MAPRE1: variants seen among roughly 807,000 people sequenced by gnomAD.
MAPRE1 encodes the protein microtubule-associated protein RP/EB family member 1.
In MAPRE1, 5 loss-of-function variants were observed where a neutral mutation model predicts 32.1. The observed-to-expected ratio is 0.16, with a 90% CI of 0.08 to 0.33. The LOEUF (loss-of-function observed/expected upper bound fraction) is 0.33. Among genes scored for constraint, MAPRE1 ranks in the 10% least tolerant of loss-of-function variants. The pLI, the probability that MAPRE1 is intolerant of heterozygous loss-of-function variation, is 1.00. For missense variants in MAPRE1, 209 were observed against 327.2 expected (o/e 0.64, Z 2.79); for synonymous variants, 122 against 118.9 (o/e 1.03, Z -0.17).
chr20:32,838,141 C>T (rs1180076380), intron 4 of MAPRE1, among the ~76,000 whole-genome samples: 1 of 152,032 alleles, frequency 6.6e-6, no homozygotes, highest in African/African-American at 2.4e-5. Context: ...TCCCACTTTC[C>T]CCAGCTTTAC....
At chr20:32,833,362 A>G (rs1370983430) in intron 2 of MAPRE1, among the ~76,000 whole-genome samples, 1 of 152,170 alleles carries the variant, frequency 6.6e-6, no homozygotes, top group Non-Finnish European at 1.5e-5. Flanking sequence ...AAAATCAGAA[A>G]ATGTCACTTT....
intron 5 of MAPRE1, chr20:32,843,318 G>C (rs1983414433): frequency 6.6e-6 from 1 of 152,056 alleles, no homozygotes; most frequent in African/African-American, 2.4e-5. Flanking sequence ...TCAGGCTGTG[G>C]GAAAAACAGT....
rs1383477420 is a variant in MAPRE1, at chr20:32,836,859, A to T, written c.475+18A>T. 2.5e-6 allele frequency: 4 copies of T among 1,573,526 alleles called. No homozygotes were observed. In the African/African-American group the frequency reaches 5.5e-5, roughly 22 times the overall value. On this transcript the variant is annotated intron_variant, in intron 4 of 6. Coordinates refer to ENST00000375571, the MANE Select transcript of MAPRE1 (RefSeq NM_012325.3). ...CAGTGCAGGTAAAAAAACAACCCCA[A>T]AACGTTTCCAAAAAATAGCGTTCCA...
intron 4 of MAPRE1, among the ~76,000 whole-genome samples, chr20:32,838,629 C>T (rs1983266713): frequency 6.6e-6 from 1 of 152,188 alleles, no homozygotes; most frequent in Non-Finnish European, 1.5e-5. Flanking sequence ...CAGCAGGGTT[C>T]CCGTTTCTCT....
At chr20:32,833,659 G>GGGA in intron 2 of MAPRE1, 58 bp from the exon 3 acceptor site, 1 of 1,521,788 alleles carries the variant, frequency 6.6e-7, no homozygotes, top group South Asian at 1.2e-5. Flanking sequence ...AAGTGGGTCT[G>GGGA]GGAAGAAGTT....
At chr20:32,826,434 A>G (rs113279491) in intron 2 of MAPRE1, among the ~76,000 whole-genome samples, 4,630 of 137,456 alleles carry the variant, frequency 0.034, 229 homozygotes, top group African/African-American at 0.11. Context: ...GTTAGCCAGG[A>G]TGGTCTTGAT....
At position 32,833,305 on chromosome 20, in the gene MAPRE1, A is replaced by T. The variant is rs529900523; in HGVS notation, c.122-412A>T. Among the ~76,000 whole-genome samples, 11 of 152,332 alleles carry T rather than the reference A, an allele frequency of 7.2e-5. No homozygotes were observed. The East Asian group carries it at 2.1e-3, about 29-fold the overall frequency. On this transcript the variant is annotated intron_variant, in intron 2 of 6. Coordinates refer to ENST00000375571, the MANE Select transcript of MAPRE1 (RefSeq NM_012325.3). The stretch of plus-strand genomic sequence containing the variant: ...AAATGTTTTTTAATCTAGATCAAGG[A>T]TGGATCTTGGAAATTGCCTCCTGAA...
At chr20:32,830,164 C>T (rs992524022) in intron 2 of MAPRE1, among the ~76,000 whole-genome samples, 12 of 152,100 alleles carry the variant, frequency 7.9e-5, no homozygotes, top group African/African-American at 2.9e-4. Flanking sequence ...TGGGTTCCTT[C>T]GCAGCAAAGG....
In MAPRE1 at chr20:32,826,135, A is replaced by AC. The variant is rs1376519767; in HGVS notation, c.121+88dup. 6 of 1,318,950 alleles carry AC rather than the reference A, an allele frequency of 4.5e-6. No homozygotes were observed. In the Admixed American group the frequency reaches 1.1e-4, roughly 25 times the overall value. The allele number at this position is 1,318,950 out of a possible 1,614,324, so 81.7% of individuals were successfully genotyped here. The stretch of plus-strand genomic sequence containing the variant: ...GGCCTGTATCTGACTGCAAAGCCAC[A>AC]CACAGAGGTTCAGGGTCTTTGTTAG... On this transcript the variant is annotated intron_variant, in intron 2 of 6. Transcript: ENST00000375571.
chr20:32,827,362 C>T lies in MAPRE1; in HGVS notation c.121+1314C>T, dbSNP rs564969223. 3.7e-4 allele frequency among the ~76,000 whole-genome samples: 56 copies of T among 151,884 alleles called. 2 individuals are homozygous for T. In the East Asian group the frequency reaches 9.4e-3, roughly 25 times the overall value. On this transcript the variant is annotated intron_variant, in intron 2 of 6. Transcript: ENST00000375571. ...GGTGGAGGTTACAGTGAGCCAAGATCGCACCACTGCACTCCAGCCTGGGTG... is the reference window on the plus strand; with the variant it reads ...GGTGGAGGTTACAGTGAGCCAAGATTGCACCACTGCACTCCAGCCTGGGTG...
intron 1 of MAPRE1, among the ~76,000 whole-genome samples, chr20:32,821,281 G>A (rs564442091): frequency 1.4e-4 from 22 of 152,306 alleles, no homozygotes; most frequent in South Asian, 2.1e-4. Context: ...CCTCCAAAGT[G>A]TTGGGATTAC....
At chr20:32,826,292 C>T (rs1486952889) in intron 2 of MAPRE1, among the ~76,000 whole-genome samples, 3 of 147,446 alleles carry the variant, frequency 2.0e-5, no homozygotes, top group Non-Finnish European at 4.4e-5. Context: ...TCTCGGCTCA[C>T]TTCAAGCTCC....
intron 5 of MAPRE1, among the ~76,000 whole-genome samples, chr20:32,841,878 G>A (rs528536274): frequency 6.6e-6 from 1 of 152,270 alleles, no homozygotes; most frequent in South Asian, 2.1e-4. Context: ...TAAGTGCCTG[G>A]AATGGTGTTT....
chr20:32,826,181 T>A, intron 2 of MAPRE1, 133 bp downstream of exon 2: 1 of 642,646 alleles, frequency 1.6e-6, no homozygotes, highest in Non-Finnish European at 2.5e-6. Flanking sequence ...TTTCTTCCTC[T>A]CAGCCCTGCC....
chr20:32,824,681 G>GT (rs11482252), intron 1 of MAPRE1, among the ~76,000 whole-genome samples: 33,997 of 139,886 alleles, frequency 0.24, 4,526 homozygotes, highest in African/African-American at 0.37. Flanking sequence ...AGAATTTATA[G>GT]TTTTTTTTTT....
intron 5 of MAPRE1, among the ~76,000 whole-genome samples, chr20:32,844,989 CTGTATGTATGTATGTATGTATGTATGTA>C (rs35343459): frequency 6.6e-6 from 1 of 150,426 alleles, no homozygotes; most frequent in East Asian, 2.0e-4. Flanking sequence ...AGTAGCTGTA[CTGTATGTATGTATGTATGTATGTATGTA>C]TGTATGTATG....
At position 32,845,912 on chromosome 20, in the gene MAPRE1, A is replaced by G. The variant is rs77964259; in HGVS notation, c.598-706A>G. Among the ~76,000 whole-genome samples the G allele has an allele frequency of 5.3e-3, 809 of 152,184 alleles. 8 individuals are homozygous for G. Among genetic ancestry groups the G allele is most frequent in the African/African-American group, 0.019 (769 of 41,500 alleles). On this transcript the variant is annotated intron_variant, in intron 5 of 6. Coordinates refer to ENST00000375571, the MANE Select transcript of MAPRE1 (RefSeq NM_012325.3). ...CTTTGATTTTGTTGCTTTACTTTCCATGCTGCTCTGTGGCCCTGACCTGTA... is the reference window on the plus strand; with the variant it reads ...CTTTGATTTTGTTGCTTTACTTTCCGTGCTGCTCTGTGGCCCTGACCTGTA...
chr20:32,827,719 GC>G (rs1251792781), intron 2 of MAPRE1, among the ~76,000 whole-genome samples: 1 of 151,680 alleles, frequency 6.6e-6, no homozygotes, highest in Non-Finnish European at 1.5e-5. Flanking sequence ...ACATAGTGAA[GC>G]CCCGTCTCTG....
intron 4 of MAPRE1, among the ~76,000 whole-genome samples, chr20:32,838,182 T>C (rs542691863): frequency 1.6e-4 from 25 of 152,332 alleles, no homozygotes; most frequent in Admixed American, 4.6e-4. Flanking sequence ...CAACCACTTA[T>C]CTGCTTTCTG....
Sources: gnomAD v4.1 joint callset for allele counts (sites outside exome capture counted in the v4.1 genomes callset) on GRCh38, gnomAD v4.1.1 for gene constraint, MANE v1.5 for transcripts, NCBI Gene and HGNC (gene_info 2026-07-23, HGNC 2026-07-21) for gene names.